Variants in THEMIS observed in about 807,000 individuals in gnomAD.
THEMIS encodes protein THEMIS.
In THEMIS, 37 loss-of-function variants were observed where a neutral mutation model predicts 52.6. The ratio of observed to expected loss-of-function variants is 0.70; its 90% CI spans 0.54 to 0.93. THEMIS has a LOEUF of 0.93. Ranked by LOEUF, THEMIS falls within the 40% of genes least tolerant of loss-of-function variation. THEMIS has a pLI of 0.00. For missense variants in THEMIS, 808 were observed against 763.1 expected, an observed-to-expected ratio of 1.06 and a Z score of -0.69; for synonymous variants, 292 against 272.7, an observed-to-expected ratio of 1.07 and a Z score of -0.70.
intron 4 of THEMIS, among the ~76,000 whole-genome samples, chr6:127,812,609 C>A (rs1428204553): frequency 6.6e-6 from 1 of 152,056 alleles, no homozygotes; most frequent in South Asian, 2.1e-4. Context: ...TCTTAATTAC[C>A]AAAACCCACT....
At chr6:127,722,145 C>T (rs1182600303) in intron 4 of THEMIS, among the ~76,000 whole-genome samples, 1 of 151,946 alleles carries the variant, frequency 6.6e-6, no homozygotes, top group African/African-American at 2.4e-5. Flanking sequence ...TAATTAAGAG[C>T]CTCATTTTCC....
rs1184367498 is a variant in THEMIS at position 127,709,042 on chromosome 6, T to C, written c.*943A>G. 1 of 152,078 alleles carries C rather than the reference T, an allele frequency of 6.6e-6. No individual in the cohort carries two copies. The highest frequency in any genetic ancestry group is 1.5e-5 in the Non-Finnish European group (1 of 67,972). 9.4% of individuals were successfully genotyped at this position (152,078 alleles called of 1,614,324 possible). On this transcript the variant is annotated 3_prime_UTR_variant, in exon 6 of 6. Coordinates refer to ENST00000368248, the MANE Select transcript of THEMIS (RefSeq NM_001010923.3). ...AATAATATTGTTCCTGTATACTTAA[T>C]ACATAATAAGATAAATTATTAAAAT...
In THEMIS at chr6:127,826,143, T is replaced by C. The variant is rs550928051; in HGVS notation, c.709+3333A>G. ...GCAATATTCCTTTATTATTTAGATATGTGCCAGAAAGTAGGGGAAAAATAT... is the reference window on the plus strand; with the variant it reads ...GCAATATTCCTTTATTATTTAGATACGTGCCAGAAAGTAGGGGAAAAATAT... On this transcript the variant is annotated intron_variant, in intron 3 of 5. Coordinates refer to ENST00000368248, the MANE Select transcript of THEMIS (RefSeq NM_001010923.3). 3.3e-5 allele frequency among the ~76,000 whole-genome samples: 5 copies of C among 152,244 alleles called. No homozygotes were observed. In the South Asian group the frequency reaches 1.0e-3, roughly 32 times the overall value.
chr6:127,769,359 T>TTTG (rs1254284253), intron 4 of THEMIS, among the ~76,000 whole-genome samples: 2 of 151,838 alleles, frequency 1.3e-5, no homozygotes, highest in African/African-American at 4.8e-5. Context: ...TTTGTTTTTT[T>TTTG]TTTTTGTTTT....
intron 4 of THEMIS, chr6:127,807,251 C>A: frequency 5.0e-6 from 1 of 200,420 alleles, no homozygotes; most frequent in Non-Finnish European, 1.1e-5. Context: ...ATCCCAGCTA[C>A]GTGGGAGGCT....
At chr6:127,763,124 G>A (rs1464011076) in intron 4 of THEMIS, among the ~76,000 whole-genome samples, 2 of 151,888 alleles carry the variant, frequency 1.3e-5, no homozygotes, top group Non-Finnish European at 2.9e-5. Context: ...AGACCTAAGA[G>A]TTTAAGAAAG....
intron 4 of THEMIS, among the ~76,000 whole-genome samples, chr6:127,785,739 A>G (rs1776927084): frequency 6.6e-6 from 1 of 152,006 alleles, no homozygotes; most frequent in African/African-American, 2.4e-5. Flanking sequence ...ACCTAAGAAT[A>G]TCTTTAATGA....
At chr6:127,707,267 C>T (rs1469563109), downstream of THEMIS, among the ~76,000 whole-genome samples, 1 of 152,008 alleles carries the variant, frequency 6.6e-6, no homozygotes, top group African/African-American at 2.4e-5. Flanking sequence ...CAAACCATAT[C>T]AAATGGGAAG....
At chr6:127,857,684 G>C (rs1414619105) in intron 1 of THEMIS, among the ~76,000 whole-genome samples, 1 of 151,988 alleles carries the variant, frequency 6.6e-6, no homozygotes, top group African/African-American at 2.4e-5. Flanking sequence ...CATCACCTGA[G>C]AGCTTGTTAG....
intron 4 of THEMIS, among the ~76,000 whole-genome samples, chr6:127,792,973 CA>C (rs1169239190): frequency 6.6e-6 from 1 of 152,128 alleles, no homozygotes; most frequent in Admixed American, 6.5e-5. Context: ...TTTCCATTTG[CA>C]AAAACAAGCC....
intron 1 of THEMIS, among the ~76,000 whole-genome samples, chr6:127,873,343 G>A (rs981518449): frequency 3.3e-5 from 5 of 152,124 alleles, no homozygotes; most frequent in East Asian, 1.9e-4. Context: ...AAACAATTTC[G>A]TAAAAGAAGA....
At chr6:127,893,078 G>T (rs991449107) in intron 1 of THEMIS, among the ~76,000 whole-genome samples, 5 of 151,508 alleles carry the variant, frequency 3.3e-5, no homozygotes, top group Non-Finnish European at 7.4e-5. Context: ...ATGTAGTTTG[G>T]GTTTTTTTGG....
intron 4 of THEMIS, among the ~76,000 whole-genome samples, chr6:127,730,318 G>GAAAAGAAAAGAAAAAAA (rs1456074763): frequency 8.6e-6 from 1 of 116,958 alleles, no homozygotes; most frequent in African/African-American, 3.6e-5. Flanking sequence ...AAAGAAAAGA[G>GAAAAGAAAAGAAAAAAA]AAAAAAAGAA....
Position 127,772,677 on chromosome 6 carries a change from C to T in THEMIS, c.1758+40206G>A, listed in dbSNP as rs1432135595. Among the ~76,000 whole-genome samples the T allele has an allele frequency of 2.6e-5, 4 of 152,178 alleles. No homozygotes were observed. In the East Asian group the frequency reaches 5.8e-4, roughly 22 times the overall value. On this transcript the variant is annotated intron_variant, in intron 4 of 5. Transcript: ENST00000368248. The stretch of plus-strand genomic sequence containing the variant: ...TCTTGCCAAAGACTACACACTCAAC[C>T]TATTTAGTAGGCATGCTTGCCAACA...
intron 4 of THEMIS, among the ~76,000 whole-genome samples, chr6:127,764,616 C>T (rs1175596963): frequency 6.6e-6 from 1 of 151,926 alleles, no homozygotes; most frequent in African/African-American, 2.4e-5. Flanking sequence ...TGATCCAAGA[C>T]AGGTGTTGCA....
chr6:127,839,582 G>A (rs7756237), intron 2 of THEMIS, among the ~76,000 whole-genome samples: 90,329 of 151,690 alleles, frequency 0.6, 27,122 homozygotes, highest in South Asian at 0.76. Flanking sequence ...AGATCACTGC[G>A]GCCTCGAACT....
intron 4 of THEMIS, among the ~76,000 whole-genome samples, chr6:127,799,796 C>A (rs1777470961): frequency 6.6e-6 from 1 of 152,080 alleles, no homozygotes; most frequent in African/African-American, 2.4e-5. Context: ...ATTTGTAGTT[C>A]TTGATTCTCT....
rs1778003063 is a variant in THEMIS at position 127,813,436 on chromosome 6, T to C, written c.1205A>G (p.Glu402Gly). Residue 402 changes from glutamate to glycine, a missense_variant, in exon 4 of 6, where the codon GAG (glutamate) becomes GGG (glycine). Physicochemically the swap from Glu to Gly is moderately conservative, Grantham distance 98. Coordinates refer to ENST00000368248, the MANE Select transcript of THEMIS (RefSeq NM_001010923.3). ...AACATTCACCACTTTTTTTATTCCC[T>C]CACAGAGGACTTCAGTCGTCTCTGA... ...HQSETTEVLC[E>G]GIKKVVNVLA... The C allele has an allele frequency of 7.4e-6, 12 of 1,613,994 alleles. No homozygotes were observed. Among genetic ancestry groups the C allele is most frequent in the Non-Finnish European group, 1.0e-5 (12 of 1,179,966 alleles).
intron 4 of THEMIS, among the ~76,000 whole-genome samples, chr6:127,755,864 T>C (rs1775805819): frequency 6.6e-6 from 1 of 151,788 alleles, no homozygotes. Flanking sequence ...CTGTCTCTAC[T>C]AAAAATACAA....
Sources: gnomAD v4.1 joint callset for allele counts (sites outside exome capture counted in the v4.1 genomes callset) on GRCh38, gnomAD v4.1.1 for gene constraint, MANE v1.5 for transcripts, NCBI Gene and HGNC (gene_info 2026-07-23, HGNC 2026-07-21) for gene names.